SLC22A8: variants seen among roughly 807,000 people sequenced by gnomAD.
The protein encoded by SLC22A8 is organic anion transporter 3.
A neutral mutation model predicts 48.4 loss-of-function variants in SLC22A8; 40 were observed. The ratio of observed to expected loss-of-function variants is 0.83; its 90% CI spans 0.64 to 1.08. SLC22A8 has a LOEUF of 1.08. SLC22A8 is among the 50% of genes least tolerant of loss of function. SLC22A8 has a pLI of 0.00. For synonymous variants in SLC22A8, 268 were observed against 286.3 expected, an observed-to-expected ratio of 0.94 and a Z score of 0.65; for missense variants, 606 against 699.0, an observed-to-expected ratio of 0.87 and a Z score of 1.50.
chr11:63,012,010 T>G (rs1565302654), intron 2 of SLC22A8, among the ~76,000 whole-genome samples: 1 of 150,604 alleles, frequency 6.6e-6, no homozygotes. Context: ...TTTTTTGAGA[T>G]GGGGTTGTCT....
intron 3 of SLC22A8, among the ~76,000 whole-genome samples, chr11:63,000,233 C>T (rs1030509998): frequency 1.3e-5 from 2 of 152,080 alleles, no homozygotes; most frequent in Non-Finnish European, 2.9e-5. Context: ...CCTGTAATCC[C>T]GGCACTTTGG....
At chr11:63,015,072 T>C (rs1288943058) in intron 1 of SLC22A8, 89 bp from the exon 2 acceptor site, 2 of 815,714 alleles carry the variant, frequency 2.5e-6, no homozygotes, top group Admixed American at 2.8e-5. Context: ...GTGAACCAGG[T>C]GGATATGCGA....
intron 9 of SLC22A8, 36 bp downstream of exon 9, chr11:62,993,734 C>G (rs1427324675): frequency 6.3e-7 from 1 of 1,595,194 alleles, no homozygotes; most frequent in East Asian, 2.2e-5. Context: ...TGACCTGTGT[C>G]CTCTGGCTGG....
chr11:62,995,568 G>T (rs781339481), intron 7 of SLC22A8, 136 bp downstream of exon 7: 156 of 662,796 alleles, frequency 2.4e-4, no homozygotes, highest in Non-Finnish European at 3.7e-4. Flanking sequence ...GTTGGGGCTG[G>T]GCTGTGGTGG....
Position 62,994,091 on chromosome 11 carries a change from T to A in SLC22A8, c.1217-213A>T, listed in dbSNP as rs1356518960. The A allele has an allele frequency of 5.1e-6, 3 of 586,598 alleles. No homozygotes were observed. In the Admixed American group the frequency reaches 8.9e-5, roughly 17 times the overall value. 36.3% of individuals were successfully genotyped at this position (586,598 alleles called of 1,614,324 possible). On this transcript the variant is annotated intron_variant, in intron 8 of 10. Coordinates refer to ENST00000336232, the MANE Select transcript of SLC22A8 (RefSeq NM_004254.4). Reference sequence around the variant, plus strand: ...ATTTCCATTTATATTTTGTTGTATATGTTCTTGTTCTTGTCTTAAAATACC... The same window carrying A: ...ATTTCCATTTATATTTTGTTGTATAAGTTCTTGTTCTTGTCTTAAAATACC...
intron 2 of SLC22A8, among the ~76,000 whole-genome samples, chr11:63,013,079 T>TGA (rs1249684201): frequency 3.9e-5 from 6 of 152,142 alleles, no homozygotes; most frequent in Admixed American, 1.3e-4. Flanking sequence ...TTTCCCCATC[T>TGA]GAGAGAGAGA....
chr11:62,999,601 G>A, intron 4 of SLC22A8, 87 bp downstream of exon 4: 5 of 1,164,650 alleles, frequency 4.3e-6, no homozygotes, highest in African/African-American at 1.6e-5. Flanking sequence ...CAGGGAGCCT[G>A]TGGTTGAGCC....
At chr11:63,004,420 C>T (rs144893142) in intron 2 of SLC22A8, among the ~76,000 whole-genome samples, 164 of 152,284 alleles carry the variant, frequency 1.1e-3, no homozygotes, top group East Asian at 0.01. Flanking sequence ...GAATTGTTCG[C>T]CTTGCTGCTC....
intron 2 of SLC22A8, 49 bp downstream of exon 2, chr11:63,014,577 G>T (rs765012293): frequency 6.7e-7 from 1 of 1,489,396 alleles, no homozygotes; most frequent in Middle Eastern, 2.1e-4. Flanking sequence ...GCGGTGCAGG[G>T]TATGGGGGTA....
In SLC22A8 at chr11:62,994,617, C is replaced by T. The variant is rs2086387639; in HGVS notation, c.1141G>A (p.Gly381Ser). ...GCAGCGGCCTGAGTGGTATGCCGGCCCAGGTAGCTTAAGGAGAGGATGGTG... is the reference window on the plus strand; with the variant it reads ...GCAGCGGCCTGAGTGGTATGCCGGCTCAGGTAGCTTAAGGAGAGGATGGTG... ...FITILSLSYL[G>S]RHTTQAAALL... The change falls in exon 8 of 11, where the codon GGC becomes AGC. Residue 381 changes from glycine to serine, a missense_variant. Physicochemically the swap from Gly to Ser is moderately conservative, Grantham distance 56. Coordinates refer to ENST00000336232, the MANE Select transcript of SLC22A8 (RefSeq NM_004254.4). 4 of 1,614,136 alleles carry T rather than the reference C, an allele frequency of 2.5e-6. No individual in the cohort carries two copies. Among genetic ancestry groups the T allele is most frequent in the Non-Finnish European group, 3.4e-6 (4 of 1,180,012 alleles).
intron 2 of SLC22A8, among the ~76,000 whole-genome samples, chr11:63,004,713 T>A (rs2086535645): frequency 6.6e-6 from 1 of 152,266 alleles, no homozygotes; most frequent in Admixed American, 6.5e-5. Context: ...ATCAGCCTGA[T>A]GAAGATAAGG....
intron 2 of SLC22A8, among the ~76,000 whole-genome samples, chr11:63,012,751 G>T (rs1286545599): frequency 1.3e-5 from 2 of 152,234 alleles, no homozygotes; most frequent in Non-Finnish European, 2.9e-5. Context: ...CCACCAAACT[G>T]CCCATGATCC....
chr11:63,007,293 C>T (rs1426454114), intron 2 of SLC22A8, among the ~76,000 whole-genome samples: 1 of 152,166 alleles, frequency 6.6e-6, no homozygotes, highest in Non-Finnish European at 1.5e-5. Context: ...GTCTCATCAA[C>T]TTTTGGCAAT....
At chr11:63,001,921 T>C (rs140554637) in intron 2 of SLC22A8, among the ~76,000 whole-genome samples, 168 of 152,182 alleles carry the variant, frequency 1.1e-3, no homozygotes, top group East Asian at 0.011. Flanking sequence ...AATTAATTAA[T>C]TAATTAAATT....
chr11:62,997,019 G>T (rs2086429264), intron 5 of SLC22A8, among the ~76,000 whole-genome samples: 1 of 152,162 alleles, frequency 6.6e-6, no homozygotes, highest in Admixed American at 6.5e-5. Flanking sequence ...CACTCCTCCT[G>T]CCCTGATGGT....
chr11:62,999,678 T>A lies in SLC22A8; in HGVS notation c.592+10A>T. The A allele has an allele frequency of 6.5e-7, 1 of 1,542,420 alleles. No individual in the cohort carries two copies. Among genetic ancestry groups the A allele is most frequent in the South Asian group, 1.3e-5 (1 of 79,872 alleles). On this transcript the variant is annotated intron_variant, in intron 4 of 10. Transcript: ENST00000336232. ...CCCAAAGCCCAGCTCCATGCCCCAC[T>A]GCAGCTCACTCAAGATGACGGTGCT...
Position 62,996,125 on chromosome 11 carries a change from C to T in SLC22A8, c.789G>A (p.Leu263=). The change falls in exon 6 of 11, where the codon TTG becomes TTA. Residue 263 remains leucine (L), a synonymous_variant. Coordinates refer to ENST00000336232, the MANE Select transcript of SLC22A8 (RefSeq NM_004254.4). ...CCTTCGAGGACTTTCCAGACAAGAC[C>T]AACCAGCGTATGGACTCTGGTGTCC... The part of the protein sequence containing the change: ...SWWTPESIRW[L]VLSGKSSKAL... 1 of 1,611,768 alleles carries T rather than the reference C, an allele frequency of 6.2e-7. No individual in the cohort carries two copies. Among genetic ancestry groups the T allele is most frequent in the Non-Finnish European group, 8.5e-7 (1 of 1,178,842 alleles).
intron 2 of SLC22A8, among the ~76,000 whole-genome samples, chr11:63,005,731 G>A (rs973733544): frequency 3.9e-5 from 6 of 152,028 alleles, no homozygotes; most frequent in African/African-American, 1.2e-4. Context: ...AAGGGTTTCC[G>A]GCAACCACCA....
At chr11:62,999,576 C>A (rs1414845161) in intron 4 of SLC22A8, 112 bp downstream of exon 4, 1 of 906,642 alleles carries the variant, frequency 1.1e-6, no homozygotes, top group Non-Finnish European at 1.6e-6. Context: ...GGGGGTGGCA[C>A]CTTGACCAAG....
Sources: gnomAD v4.1 joint callset for allele counts (sites outside exome capture counted in the v4.1 genomes callset) on GRCh38, gnomAD v4.1.1 for gene constraint, MANE v1.5 for transcripts, NCBI Gene and HGNC (gene_info 2026-07-23, HGNC 2026-07-21) for gene names.